SGCZ: variants seen among roughly 807,000 people sequenced by gnomAD.
The protein encoded by SGCZ is sarcoglycan zeta.
A neutral mutation model predicts 41.3 loss-of-function variants in SGCZ; 40 were observed. That is an observed-to-expected ratio of 0.97 (90% CI 0.75 to 1.26). The LOEUF is 1.26. Among genes scored for constraint, SGCZ ranks in the 50% most tolerant of loss-of-function variants. The pLI is 0.00. For synonymous variants in SGCZ, 206 were observed against 137.5 expected, an observed-to-expected ratio of 1.50 and a Z score of -3.49; for missense variants, 552 against 369.8, an observed-to-expected ratio of 1.49 and a Z score of -4.04.
intron 2 of SGCZ, among the ~76,000 whole-genome samples, chr8:14,388,874 A>G (rs913524198): frequency 6.6e-6 from 1 of 151,994 alleles, no homozygotes; most frequent in Non-Finnish European, 1.5e-5. Flanking sequence ...TGTGAAAGAG[A>G]TTGAGGTTAT....
Position 14,115,991 on chromosome 8 carries a change from C to T in SGCZ, c.548-7756G>A, listed in dbSNP as rs57392646. On this transcript the variant is annotated intron_variant, in intron 5 of 7. Transcript: ENST00000382080. ...GACCATTACCAAATGGAATGCACAG[C>T]GCTAGAGATTCATCTCAGCAGCACT... 9.6e-3 allele frequency among the ~76,000 whole-genome samples: 1,466 copies of T among 152,150 alleles called. 16 individuals carry two copies. The highest frequency in any genetic ancestry group is 0.024 in the African/African-American group (979 of 41,558).
intron 6 of SGCZ, among the ~76,000 whole-genome samples, chr8:14,106,920 A>G (rs959043952): frequency 2.6e-5 from 4 of 152,154 alleles, no homozygotes. Flanking sequence ...AATCTTACGT[A>G]TTGAATTAAG....
intron 3 of SGCZ, among the ~76,000 whole-genome samples, chr8:14,242,807 C>A (rs540278084): frequency 6.6e-6 from 1 of 152,012 alleles, no homozygotes; most frequent in Admixed American, 6.6e-5. Flanking sequence ...CTGTCTACCA[C>A]GAGGAAGTAC....
chr8:14,103,468 A>G (rs1384060083), intron 6 of SGCZ, among the ~76,000 whole-genome samples: 3 of 152,128 alleles, frequency 2.0e-5, no homozygotes, highest in Non-Finnish European at 4.4e-5. Context: ...ATCCAGCACA[A>G]CTGGTTTTGT....
chr8:15,013,052 G>C (rs1043690688), intron 1 of SGCZ, among the ~76,000 whole-genome samples: 1 of 152,064 alleles, frequency 6.6e-6, no homozygotes, highest in Non-Finnish European at 1.5e-5. Context: ...GGATTTTTAA[G>C]AAATGGATTT....
chr8:14,246,288 C>A (rs1247703084), intron 3 of SGCZ, among the ~76,000 whole-genome samples: 1 of 152,104 alleles, frequency 6.6e-6, no homozygotes, highest in Non-Finnish European at 1.5e-5. Context: ...GAGTTCATGT[C>A]CTTTGTAGGG....
chr8:14,866,939 G>A (rs114817159), intron 1 of SGCZ, among the ~76,000 whole-genome samples: 3,602 of 152,180 alleles, frequency 0.024, 51 homozygotes, highest in Middle Eastern at 0.048. Flanking sequence ...GAGAGAGCAC[G>A]CTGTTTTGTT....
chr8:14,309,836 T>C (rs1453009733), intron 3 of SGCZ, among the ~76,000 whole-genome samples: 3 of 152,128 alleles, frequency 2.0e-5, no homozygotes, highest in Non-Finnish European at 4.4e-5. Flanking sequence ...CTTTGTCTTG[T>C]ACTTCTGTGT....
At chr8:14,925,851 C>A (rs369142320) in intron 1 of SGCZ, among the ~76,000 whole-genome samples, 1 of 140,120 alleles carries the variant, frequency 7.1e-6, no homozygotes, top group Non-Finnish European at 1.6e-5. Flanking sequence ...AGAAGGGATA[C>A]CTTGGGAATT....
At chr8:14,827,358 T>A (rs1369171247) in intron 1 of SGCZ, among the ~76,000 whole-genome samples, 2 of 151,052 alleles carry the variant, frequency 1.3e-5, no homozygotes, top group Non-Finnish European at 3.0e-5. Flanking sequence ...TGCCTCAGCC[T>A]CCCAAGTAGC....
chr8:14,906,895 T>C (rs1464912988), intron 1 of SGCZ, among the ~76,000 whole-genome samples: 1 of 152,198 alleles, frequency 6.6e-6, no homozygotes, highest in Non-Finnish European at 1.5e-5. Context: ...AATTAGACAA[T>C]GGCATTGTTA....
intron 1 of SGCZ, among the ~76,000 whole-genome samples, chr8:15,087,797 A>G (rs1806003645): frequency 6.6e-6 from 1 of 152,166 alleles, no homozygotes; most frequent in South Asian, 2.1e-4. Context: ...GTTTACTCAT[A>G]GTATGAAGAA....
chr8:14,142,839 GCT>G (rs1419522416), intron 5 of SGCZ, among the ~76,000 whole-genome samples: 1 of 151,962 alleles, frequency 6.6e-6, no homozygotes, highest in Non-Finnish European at 1.5e-5. Flanking sequence ...CTCTCCCCTT[GCT>G]CTCTTCCTCC....
intron 2 of SGCZ, among the ~76,000 whole-genome samples, chr8:14,344,277 A>G (rs2117086896): frequency 6.6e-6 from 1 of 152,198 alleles, no homozygotes; most frequent in Non-Finnish European, 1.5e-5. Context: ...TGGATACTAA[A>G]TTTAACAAAT....
intron 1 of SGCZ, among the ~76,000 whole-genome samples, chr8:15,160,916 G>A (rs563260012): frequency 7.2e-5 from 11 of 151,984 alleles, no homozygotes; most frequent in South Asian, 4.1e-4. Context: ...GTACACTGGC[G>A]TAATCTGGTG....
chr8:14,537,523 T>C lies in SGCZ; in HGVS notation c.234+17209A>G, dbSNP rs186378313. On this transcript the variant is annotated intron_variant, in intron 2 of 7. Coordinates refer to ENST00000382080, the MANE Select transcript of SGCZ (RefSeq NM_139167.4). ...TTCCCCTAGGGAAGTTTGAGAACCCTAGTATCTGACTTTCTTCTCTTCTCT... is the reference window on the plus strand; with the variant it reads ...TTCCCCTAGGGAAGTTTGAGAACCCCAGTATCTGACTTTCTTCTCTTCTCT... Among the ~76,000 whole-genome samples, 3 of 151,890 alleles carry C rather than the reference T, an allele frequency of 2.0e-5. No individual in the cohort carries two copies. In the East Asian group the frequency reaches 5.9e-4, roughly 30 times the overall value.
intron 1 of SGCZ, among the ~76,000 whole-genome samples, chr8:14,917,851 T>C (rs1799483361): frequency 6.6e-6 from 1 of 152,190 alleles, no homozygotes; most frequent in Non-Finnish European, 1.5e-5. Context: ...AGGAGGTTAG[T>C]ATAAGATATG....
At chr8:14,838,511 T>C (rs977974247) in intron 1 of SGCZ, among the ~76,000 whole-genome samples, 8 of 152,092 alleles carry the variant, frequency 5.3e-5, no homozygotes, top group Non-Finnish European at 1.0e-4. Flanking sequence ...ACCATACAAC[T>C]AGGTAGCAGC....
At chr8:14,999,807 C>A (rs1802348777) in intron 1 of SGCZ, among the ~76,000 whole-genome samples, 1 of 152,264 alleles carries the variant, frequency 6.6e-6, no homozygotes, top group Non-Finnish European at 1.5e-5. Flanking sequence ...GGGAAGTAAC[C>A]TAAAGACAAT....
Sources: allele counts gnomAD v4.1 joint callset (sites outside exome capture counted in the v4.1 genomes callset), GRCh38; gene constraint gnomAD v4.1.1; transcripts MANE v1.5; gene names NCBI Gene and HGNC (gene_info 2026-07-23, HGNC 2026-07-21).